Variants in CELSR2 observed in about 807,000 individuals in gnomAD.
CELSR2 encodes the protein cadherin EGF LAG seven-pass G-type receptor 2, also known as EGF-like protein 2.
CELSR2 carries 81 observed loss-of-function variants against 251.6 expected under a neutral mutation model. The observed-to-expected ratio is 0.32, with a 90% confidence interval of 0.27 to 0.39. The LOEUF is 0.39. CELSR2 is among the 10% of genes least tolerant of loss of function. The pLI, the probability that CELSR2 is intolerant of heterozygous loss-of-function variation, is 1.00. For synonymous variants in CELSR2, 1,721 were observed against 1,670.5 expected, an observed-to-expected ratio of 1.03 and a Z score of -0.74; for missense variants, 3,365 against 3,947.7, an observed-to-expected ratio of 0.85 and a Z score of 3.96.
rs1278825088 is a variant in CELSR2 at position 109,267,856 on chromosome 1, G to T, written c.6114G>T (p.Glu2038Asp). The T allele has an allele frequency of 6.2e-7, 1 of 1,601,236 alleles. No homozygotes were observed. The highest frequency in any genetic ancestry group is 1.3e-5 in the African/African-American group (1 of 74,824). The change falls in exon 17 of 34, where the codon GAG becomes GAT. Residue 2038 changes from glutamate (E) to aspartate (D), a missense_variant. Transcript: ENST00000271332. ...CTCCGCTCCGTCCTGTCTAGGCTGAGCGGCTACAGCGGAATGAGTCAGGCC... is the reference window on the plus strand; with the variant it reads ...CTCCGCTCCGTCCTGTCTAGGCTGATCGGCTACAGCGGAATGAGTCAGGCC... ...ITFSELKGFA[E>D]RLQRNESGLD...
rs145591944 is a variant in CELSR2 at position 109,262,408 on chromosome 1, C to G, written c.4508C>G (p.Ser1503Cys). 2 of 1,614,014 alleles carry G rather than the reference C, an allele frequency of 1.2e-6. No homozygotes were observed. The highest frequency in any genetic ancestry group is 1.7e-6 in the Non-Finnish European group (2 of 1,180,042). The change falls in exon 6 of 34, where the codon TCC (serine) becomes TGC (cysteine). Residue 1503 changes from serine (S) to cysteine (C), a missense_variant. Coordinates refer to ENST00000271332, the MANE Select transcript of CELSR2 (RefSeq NM_001408.3). ...LRFGSVLGNY[S>C]CAAQGTQGGS... ...TTCGGATCTGTCCTGGGCAACTACT[C>G]CTGTGCTGCCCAGGGCACCCAGGGT...
In CELSR2 at chr1:109,252,644, A is replaced by C; in HGVS notation, c.2565A>C (p.Gln855His). ...ATGGCAGGGTCTTCTACACCTTCCA[A>C]GGAGGCGACGATGGAGACGGTGACT... is the stretch of plus-strand genomic sequence containing the variant. Reference protein sequence around the residue: ...GLNGRVFYTFQGGDDGDGDFI... With the variant: ...GLNGRVFYTFHGGDDGDGDFI... Residue 855 changes from glutamine (Q) to histidine (H), a missense_variant, in exon 1 of 34, where the codon CAA becomes CAC. Around this residue, in one of 5 missense-constraint regions of CELSR2, gnomAD observed 505 missense variants for 660.0 expected, o/e 0.77. Transcript: ENST00000271332. The surrounding 1 kb of genome is among the most constrained non-coding windows in gnomAD (Gnocchi z 4.8). 6.2e-7 allele frequency: 1 copy of C among 1,613,848 alleles called. No individual in the cohort carries two copies.
Position 109,253,394 on chromosome 1 carries a change from G to A in CELSR2, c.3310+5G>A, listed in dbSNP as rs1298300932. 4 of 1,610,452 alleles carry A rather than the reference G, an allele frequency of 2.5e-6. No individual in the cohort carries two copies. The highest frequency in any genetic ancestry group is 3.4e-6 in the Non-Finnish European group (4 of 1,178,880). On this transcript the variant is annotated splice_donor_5th_base_variant and intron_variant, in intron 1 of 33. Transcript: ENST00000271332. The stretch of plus-strand genomic sequence containing the variant: ...TCATGAGCGTGCTGGTGTCAGGTAA[G>A]GAAGGGCCCAGGTGGCGCTGGGGTG...
In CELSR2 at chr1:109,263,234, C is replaced by G; in HGVS notation, c.4801C>G (p.Pro1601Ala). The G allele has an allele frequency of 6.3e-7, 1 of 1,587,964 alleles. No individual in the cohort carries two copies. Among genetic ancestry groups the G allele is most frequent in the Non-Finnish European group, 8.6e-7 (1 of 1,159,368 alleles). ...GTGGGACGCGTTCAGCTGCGAGTGC[C>G]CCCTGGGCTTTGGGGGCAAGAGCTG... ...NQWDAFSCEC[P>A]LGFGGKSCAQ... The change falls in exon 8 of 34, where the codon CCC (proline) becomes GCC (alanine). Residue 1601 changes from proline to alanine, a missense_variant. Transcript: ENST00000271332.
chr1:109,263,313 A>G (rs1325644034), intron 8 of CELSR2, 46 bp downstream of exon 8: 1 of 1,541,156 alleles, frequency 6.5e-7, no homozygotes, highest in Admixed American at 1.9e-5. Flanking sequence ...TGCCATCAAC[A>G]GTCTGGGAAC....
chr1:109,251,202 G>C lies in CELSR2; in HGVS notation c.1123G>C (p.Asp375His). The change falls in exon 1 of 34, where the codon GAC (aspartate) becomes CAC (histidine). Residue 375 changes from aspartate (D) to histidine (H), a missense_variant. By Grantham distance (81) the Asp-to-His change is moderately conservative (BLOSUM62 -1). This residue lies in a region of CELSR2 where 704 missense variants were observed against 784.1 expected (regional missense o/e 0.90). Coordinates refer to ENST00000271332, the MANE Select transcript of CELSR2 (RefSeq NM_001408.3). The surrounding 1 kb of genome is among the most constrained non-coding windows in gnomAD (Gnocchi z 4.9). ...GGTAGAGGCAAGTGACCAGGGTCGG[G>C]ACCCGGGTCCTCGGAGTACCACAGC... Reference protein sequence around the residue: ...LTVEASDQGRDPGPRSTTAAV... With the variant: ...LTVEASDQGRHPGPRSTTAAV... The C allele has an allele frequency of 6.2e-7, 1 of 1,613,876 alleles. No homozygotes were observed. The highest frequency in any genetic ancestry group is 8.5e-7 in the Non-Finnish European group (1 of 1,180,022).
At chr1:109,257,242 A>C (rs1225178968) in intron 1 of CELSR2, among the ~76,000 whole-genome samples, 1 of 150,830 alleles carries the variant, frequency 6.6e-6, no homozygotes, top group South Asian at 2.1e-4. Flanking sequence ...GGTCTCAGCT[A>C]TTTGGGAGGT....
chr1:109,268,716 A>T lies in CELSR2; in HGVS notation c.6454A>T (p.Met2152Leu). The T allele has an allele frequency of 6.2e-7, 1 of 1,612,730 alleles. No individual in the cohort carries two copies. Among genetic ancestry groups the T allele is most frequent in the Non-Finnish European group, 8.5e-7 (1 of 1,178,948 alleles). The change falls in exon 18 of 34, where the codon ATG (methionine) becomes TTG (leucine). Residue 2152 changes from methionine to leucine, a missense_variant. Physicochemically the swap from Met to Leu is conservative, Grantham distance 15 (BLOSUM62 2). Around this residue, in one of 5 missense-constraint regions of CELSR2, gnomAD observed 2,093 missense variants for 2,382.8 expected, o/e 0.88. Coordinates refer to ENST00000271332, the MANE Select transcript of CELSR2 (RefSeq NM_001408.3). ...EAYASALAQNMRHTYLSPFTI... is the reference protein window; with the variant it reads ...EAYASALAQNLRHTYLSPFTI... The stretch of plus-strand genomic sequence containing the variant: ...CTACGCCAGTGCCCTGGCCCAGAAC[A>T]TGCGGCACACCTACCTAAGCCCCTT...
chr1:109,263,503 T>A, intron 8 of CELSR2, 108 bp from the exon 9 acceptor site: 5 of 1,484,348 alleles, frequency 3.4e-6, no homozygotes, highest in Non-Finnish European at 4.6e-6. Context: ...GCGGGGCTGA[T>A]GAGGGGAGTG....
At position 109,269,415 on chromosome 1, in the gene CELSR2, C is replaced by T; in HGVS notation, c.6813-9C>T. The stretch of plus-strand genomic sequence containing the variant: ...CGTGGTGACTGTGCACCTGACTGCC[C>T]CACATCAGAGTCCCCAAACGCCCGA... On this transcript the variant is annotated splice_polypyrimidine_tract_variant and intron_variant, in intron 20 of 33. Coordinates refer to ENST00000271332, the MANE Select transcript of CELSR2 (RefSeq NM_001408.3). The surrounding 1 kb of genome is among the most constrained non-coding windows in gnomAD (Gnocchi z 6.4). 2.5e-6 allele frequency: 4 copies of T among 1,613,114 alleles called. No homozygotes were observed. Among genetic ancestry groups the T allele is most frequent in the Non-Finnish European group, 3.4e-6 (4 of 1,179,566 alleles).
chr1:109,265,394 A>G, intron 13 of CELSR2, 83 bp downstream of exon 13: 1 of 1,426,568 alleles, frequency 7.0e-7, no homozygotes, highest in Non-Finnish European at 9.5e-7. Context: ...GGCTGTAGGG[A>G]TGGGTCTTCC....
In CELSR2 at chr1:109,260,043, C is replaced by T. The variant is rs371683247; in HGVS notation, c.3958+964C>T. On this transcript the variant is annotated intron_variant, in intron 2 of 33. Coordinates refer to ENST00000271332, the MANE Select transcript of CELSR2 (RefSeq NM_001408.3). The stretch of plus-strand genomic sequence containing the variant: ...CCAGCAGCCATAGGCAGGCCCCACT[C>T]CTTCCCCGCTGCATCTTCCTGCCCA... 4.2e-4 allele frequency among the ~76,000 whole-genome samples: 64 copies of T among 152,014 alleles called. No homozygotes were observed. In the East Asian group the frequency reaches 0.01, roughly 24 times the overall value.
chr1:109,263,909 A>T, intron 9 of CELSR2, 132 bp downstream of exon 9: 2 of 1,391,706 alleles, frequency 1.4e-6, no homozygotes, highest in South Asian at 2.8e-5. Context: ...ATCCGTTGGG[A>T]AGGTCAATGC....
At chr1:109,263,043 C>A in intron 7 of CELSR2, 74 bp downstream of exon 7, 1 of 1,586,614 alleles carries the variant, frequency 6.3e-7, no homozygotes, top group East Asian at 2.3e-5. Flanking sequence ...TGTGAGGATG[C>A]CAGAATGGAG....
In CELSR2 at chr1:109,260,783, T is replaced by A. The variant is rs186578188; in HGVS notation, c.3959-259T>A. ...ATGGGGTAGGGAAGGTGCTGGGGAC[T>A]CCGAGGAACTTGCAGGGGAGCAGTG... is the stretch of plus-strand genomic sequence containing the variant. On this transcript the variant is annotated intron_variant, in intron 2 of 33. Coordinates refer to ENST00000271332, the MANE Select transcript of CELSR2 (RefSeq NM_001408.3). Among the ~76,000 whole-genome samples the A allele has an allele frequency of 2.6e-5, 4 of 152,258 alleles. No homozygotes were observed. The East Asian group carries it at 7.7e-4, about 29-fold the overall frequency.
rs1656166357 is a variant in CELSR2, at chr1:109,265,720, T to C, written c.5728-15T>C. ...AGAGCCTGGCCAGTGACACCGTTCT[T>C]CCCTCCTTTCTCAGGAGAACCACTA... On this transcript the variant is annotated splice_polypyrimidine_tract_variant and intron_variant, in intron 13 of 33. Transcript: ENST00000271332. 6.2e-7 allele frequency: 1 copy of C among 1,602,340 alleles called. No individual in the cohort carries two copies. The highest frequency in any genetic ancestry group is 1.1e-5 in the South Asian group (1 of 90,594).
At chr1:109,262,216 G>A in intron 5 of CELSR2, 71 bp from the exon 6 acceptor site, 4 of 1,573,250 alleles carry the variant, frequency 2.5e-6, no homozygotes, top group South Asian at 2.3e-5. Flanking sequence ...GAGGCACCCA[G>A]TGTGTGCTGG....
rs1184107281 is a variant in CELSR2, at chr1:109,253,036, A to G, written c.2957A>G (p.Tyr986Cys). ...GELTALVDLD[Y>C]EDRPEYVLVI... ...CTGACAGCCCTGGTAGACTTAGACT[A>G]CGAGGACCGGCCTGAGTACGTCCTG... The change falls in exon 1 of 34, where the codon TAC becomes TGC. Residue 986 changes from tyrosine to cysteine, a missense_variant. Tyr to Cys is a radical substitution (Grantham distance 194). Coordinates refer to ENST00000271332, the MANE Select transcript of CELSR2 (RefSeq NM_001408.3). 6.2e-7 allele frequency: 1 copy of G among 1,613,534 alleles called. No individual in the cohort carries two copies. Among genetic ancestry groups the G allele is most frequent in the African/African-American group, 1.3e-5 (1 of 74,924 alleles).
At position 109,274,168 on chromosome 1, in the gene CELSR2, G is replaced by T; in HGVS notation, c.*119G>T. ...CCCATCGCCTGCCCGCAGCAGCGAC[G>T]AAACGTCCATCTGAGGAGCCTGGGC... On this transcript the variant is annotated 3_prime_UTR_variant, in exon 34 of 34. Coordinates refer to ENST00000271332, the MANE Select transcript of CELSR2 (RefSeq NM_001408.3). 1 of 1,597,518 alleles carries T rather than the reference G, an allele frequency of 6.3e-7. No homozygotes were observed. The highest frequency in any genetic ancestry group is 8.5e-7 in the Non-Finnish European group (1 of 1,174,468).
Sources: gnomAD v4.1 joint callset for allele counts (sites outside exome capture counted in the v4.1 genomes callset) on GRCh38, gnomAD v4.1.1 for gene constraint, gnomAD v4.1.1 regional missense constraint, Gnocchi (gnomAD v3.1) non-coding constraint, MANE v1.5 for transcripts, NCBI Gene and HGNC (gene_info 2026-07-23, HGNC 2026-07-21) for gene names.